Variants in PHF21B observed in about 807,000 individuals in gnomAD.
The protein encoded by PHF21B is PHD finger protein 4.
PHF21B carries 22 observed loss-of-function variants against 62.2 expected under a neutral mutation model. The observed-to-expected ratio is 0.35, with a 90% CI of 0.25 to 0.51. The LOEUF is 0.51. PHF21B is among the 20% of genes least tolerant of loss of function. The pLI is 0.97. For synonymous variants in PHF21B, 341 were observed against 314.7 expected (o/e 1.08, Z -0.88); for missense variants, 701 against 707.9 (o/e 0.99, Z 0.11).
At chr22:44,919,283 C>G (rs1165813014) in intron 3 of PHF21B, among the ~76,000 whole-genome samples, 1 of 152,256 alleles carries the variant, frequency 6.6e-6, no homozygotes, top group African/African-American at 2.4e-5. Context: ...CCTGTCCAAA[C>G]CACAGGCTGC....
chr22:44,991,663 G>T (rs1186773520), intron 2 of PHF21B, among the ~76,000 whole-genome samples: 1 of 152,222 alleles, frequency 6.6e-6, no homozygotes, highest in Non-Finnish European at 1.5e-5. Flanking sequence ...GTCACCCTGT[G>T]CCCAGCTGGG....
At chr22:44,912,930 G>A (rs1040481783) in intron 5 of PHF21B, among the ~76,000 whole-genome samples, 3 of 143,868 alleles carry the variant, frequency 2.1e-5, no homozygotes, top group Admixed American at 7.0e-5. Flanking sequence ...AAAGGAAACT[G>A]GGTGGGAAGG....
chr22:44,986,687 G>GC (rs2072955865), intron 2 of PHF21B, among the ~76,000 whole-genome samples: 1 of 152,174 alleles, frequency 6.6e-6, no homozygotes, highest in African/African-American at 2.4e-5. Context: ...TCTGTCCACT[G>GC]CAACAGTCTT....
chr22:44,950,764 T>C (rs2072176845), intron 2 of PHF21B, among the ~76,000 whole-genome samples: 1 of 152,190 alleles, frequency 6.6e-6, no homozygotes. Context: ...GCAGGGCTCT[T>C]GCTGTTTCCT....
At chr22:44,925,547 A>T (rs1476293448) in intron 2 of PHF21B, among the ~76,000 whole-genome samples, 1 of 152,018 alleles carries the variant, frequency 6.6e-6, no homozygotes, top group Non-Finnish European at 1.5e-5. Context: ...GAACCAAATG[A>T]CCCACATTCC....
At chr22:44,892,779 C>A (rs1601570216) in intron 7 of PHF21B, among the ~76,000 whole-genome samples, 1 of 152,194 alleles carries the variant, frequency 6.6e-6, no homozygotes, top group South Asian at 2.1e-4. Context: ...AGGATTTTAA[C>A]CTAAGAATTT....
At chr22:44,894,297 T>A (rs541226520) in intron 6 of PHF21B, among the ~76,000 whole-genome samples, 1 of 152,276 alleles carries the variant, frequency 6.6e-6, no homozygotes, top group South Asian at 2.1e-4. Flanking sequence ...ATAAAACCAA[T>A]AATGATCACG....
At chr22:44,951,083 C>T (rs1319314484) in intron 2 of PHF21B, among the ~76,000 whole-genome samples, 3 of 152,168 alleles carry the variant, frequency 2.0e-5, no homozygotes, top group Admixed American at 6.5e-5. Flanking sequence ...ATAAAGCCTG[C>T]CACCAGATGC....
In PHF21B at chr22:44,916,419, G is replaced by A. The variant is rs751148938; in HGVS notation, c.425C>T (p.Pro142Leu). The change falls in exon 4 of 13, where the codon CCG (proline) becomes CTG (leucine). Residue 142 changes from proline to leucine, a missense_variant. Transcript: ENST00000313237. ...ALAEPAALAS[P>L]LSSAGVAYAI... ...GTAGGCCACCCCCGCACTGCTCAGC[G>A]GAGAGGCGAGGGCGGCGGGCTCGGC... 8 of 1,597,434 alleles carry A rather than the reference G, an allele frequency of 5.0e-6. No homozygotes were observed. Among genetic ancestry groups the A allele is most frequent in the South Asian group, 2.2e-5 (2 of 90,574 alleles).
rs2070771024 is a variant in PHF21B, at chr22:44,883,298, G to A, written c.1384C>T (p.Leu462=). The A allele has an allele frequency of 1.9e-6, 3 of 1,613,462 alleles. No individual in the cohort carries two copies. The highest frequency in any genetic ancestry group is 4.5e-5 in the East Asian group (2 of 44,874). The change falls in exon 13 of 13, where the codon CTG becomes TTG. Residue 462 remains leucine, a synonymous_variant. Coordinates refer to ENST00000313237, the MANE Select transcript of PHF21B (RefSeq NM_138415.5). ...GCCAGCAGGCTTGTCTTCAACTCCAGGCATTTCTGTTGGGGAGAAGGTCAG... is the reference window on the plus strand; with the variant it reads ...GCCAGCAGGCTTGTCTTCAACTCCAAGCATTTCTGTTGGGGAGAAGGTCAG... ...RRLASAVQKC[L]ELKTSLLARQ...
At chr22:45,005,208 T>TG (rs1347001727) in intron 2 of PHF21B, among the ~76,000 whole-genome samples, 4 of 152,270 alleles carry the variant, frequency 2.6e-5, no homozygotes, top group Non-Finnish European at 4.4e-5. Flanking sequence ...GAGCAGCTAA[T>TG]GGAGTCTTCA....
intron 2 of PHF21B, among the ~76,000 whole-genome samples, chr22:44,942,943 T>C (rs1008921430): frequency 1.3e-5 from 2 of 151,314 alleles, no homozygotes; most frequent in African/African-American, 4.9e-5. Context: ...ATTCAGAGCT[T>C]AGGACACAGG....
intron 2 of PHF21B, chr22:44,989,409 A>C (rs142513885): frequency 6.6e-6 from 1 of 152,078 alleles, no homozygotes; most frequent in Non-Finnish European, 1.5e-5. Flanking sequence ...AAACCCATGA[A>C]ACGTGAATCC....
At position 45,009,358 on chromosome 22, in the gene PHF21B, C is replaced by A; in HGVS notation, c.54+138G>T. On this transcript the variant is annotated intron_variant, in intron 1 of 12. Transcript: ENST00000313237. The surrounding 1 kb of genome is among the most constrained non-coding windows in gnomAD (Gnocchi z 5.9). ...AAGGGGGTCCGCGCGTGTGCTCACT[C>A]CCTCGCCCCCCGCCCCCGGGCAGGC... 1.1e-6 allele frequency: 1 copy of A among 887,464 alleles called. No homozygotes were observed. Among genetic ancestry groups the A allele is most frequent in the Non-Finnish European group, 1.6e-6 (1 of 607,894 alleles). 55.0% of individuals were successfully genotyped at this position (887,464 alleles called of 1,614,324 possible).
chr22:45,008,685 AC>A (rs905360543), intron 1 of PHF21B, 75 bp from the exon 2 acceptor site: 12 of 1,155,830 alleles, frequency 1.0e-5, no homozygotes, highest in South Asian at 5.6e-5. Context: ...GGGCCGCGGC[AC>A]CCCCCGCCCG....
chr22:44,957,380 G>C (rs982957616), intron 2 of PHF21B, among the ~76,000 whole-genome samples: 1 of 152,228 alleles, frequency 6.6e-6, no homozygotes, highest in African/African-American at 2.4e-5. Flanking sequence ...ACTGTAGAAG[G>C]AGTGAGAGAG....
At chr22:45,008,700 C>T (rs1295668376) in intron 1 of PHF21B, 90 bp from the exon 2 acceptor site, 11 of 1,209,172 alleles carry the variant, frequency 9.1e-6, no homozygotes, top group Non-Finnish European at 1.1e-5. Flanking sequence ...CCGCCCGGAG[C>T]CCCACGGGCG....
chr22:44,966,444 CTGGG>C (rs2072527359), intron 2 of PHF21B, among the ~76,000 whole-genome samples: 1 of 152,194 alleles, frequency 6.6e-6, no homozygotes. Context: ...CCAGCGTCTA[CTGGG>C]AGCTTTGGGG....
At chr22:44,922,349 T>A (rs2071552854) in intron 2 of PHF21B, among the ~76,000 whole-genome samples, 2 of 152,066 alleles carry the variant, frequency 1.3e-5, no homozygotes, top group South Asian at 2.1e-4. Flanking sequence ...AAATCAGTTG[T>A]GGGCTGGGCG....
Sources: gnomAD v4.1 joint callset for allele counts (sites outside exome capture counted in the v4.1 genomes callset) on GRCh38, gnomAD v4.1.1 for gene constraint, Gnocchi (gnomAD v3.1) non-coding constraint, MANE v1.5 for transcripts, NCBI Gene and HGNC (gene_info 2026-07-23, HGNC 2026-07-21) for gene names.